Variants in SLC19A1 observed in about 807,000 individuals in gnomAD.
The protein encoded by SLC19A1 is reduced folate transporter.
SLC19A1 carries 37 observed loss-of-function variants against 35.3 expected under a neutral mutation model. That is an observed-to-expected ratio of 1.05 (90% CI 0.81 to 1.38). SLC19A1 has a LOEUF of 1.38. Among genes scored for constraint, SLC19A1 ranks in the 40% most tolerant of loss-of-function variants. The probability of loss-of-function intolerance (pLI) is 0.00; values close to 1 mark genes in which losing one functional copy is unlikely to be tolerated. For synonymous variants in SLC19A1, 460 were observed against 398.5 expected, an observed-to-expected ratio of 1.15 and a Z score of -1.84; for missense variants, 831 against 826.9, an observed-to-expected ratio of 1.00 and a Z score of -0.06.
intron 2 of SLC19A1, 88 bp downstream of exon 2, chr21:45,537,683 G>A (rs1288610768): frequency 3.3e-5 from 37 of 1,118,718 alleles, no homozygotes; most frequent in East Asian, 1.2e-4. Context: ...GGCCGCCCCC[G>A]CATCCCGGCG....
chr21:45,561,293 T>C (rs1330382181), intron 1 of SLC19A1, among the ~76,000 whole-genome samples: 2 of 152,228 alleles, frequency 1.3e-5, no homozygotes, highest in Non-Finnish European at 2.9e-5. Context: ...GAGTATTCTA[T>C]TGCAGTAACT....
At position 45,530,314 on chromosome 21, in the gene SLC19A1, ATGAG is replaced by A. The variant is rs2077823773; in HGVS notation, c.1151+452_1151+455del. Among the ~76,000 whole-genome samples the A allele has an allele frequency of 1.4e-5, 2 of 145,638 alleles. No individual in the cohort carries two copies. The highest frequency in any genetic ancestry group is 4.1e-3 in the Middle Eastern group (1 of 244). ...ATGTGTGCACGTGTGGTATGTGTTC[ATGAG>A]TGTGTGGTGAGTGTCCATCTGTGCG... On this transcript the variant is annotated intron_variant, in intron 4 of 5. Transcript: ENST00000311124. The surrounding 1 kb of genome is among the most constrained non-coding windows in gnomAD (Gnocchi z 5.3).
intron 1 of SLC19A1, among the ~76,000 whole-genome samples, chr21:45,538,831 G>C (rs1434964599): frequency 2.0e-5 from 3 of 152,114 alleles, no homozygotes; most frequent in African/African-American, 7.2e-5. Flanking sequence ...CAGACCACAG[G>C]ACTTCATCCA....
intron 2 of SLC19A1, among the ~76,000 whole-genome samples, chr21:45,532,365 C>T (rs1378819416): frequency 6.6e-6 from 1 of 152,194 alleles, no homozygotes; most frequent in Non-Finnish European, 1.5e-5. Context: ...TGGGAGCGTT[C>T]GCCTGCGGAA....
chr21:45,539,697 G>A (rs2078243345), intron 1 of SLC19A1, among the ~76,000 whole-genome samples: 1 of 152,184 alleles, frequency 6.6e-6, no homozygotes, highest in African/African-American at 2.4e-5. Flanking sequence ...CCCTCCCCAG[G>A]CCACTTAGGC....
intron 1 of SLC19A1, among the ~76,000 whole-genome samples, chr21:45,552,638 A>ACAGCCC (rs1373434723): frequency 7.0e-6 from 1 of 143,326 alleles, no homozygotes; most frequent in Admixed American, 6.8e-5. Flanking sequence ...GGCACCCGGG[A>ACAGCCC]CAGCCCCAGC....
chr21:45,552,654 C>G (rs1467754865), intron 1 of SLC19A1, among the ~76,000 whole-genome samples: 1 of 151,580 alleles, frequency 6.6e-6, no homozygotes, highest in African/African-American at 2.4e-5. Context: ...CCAGCCCCAG[C>G]AGAGAGGGGC....
intron 1 of SLC19A1, among the ~76,000 whole-genome samples, chr21:45,559,313 C>T (rs2078593122): frequency 6.6e-6 from 1 of 152,118 alleles, no homozygotes; most frequent in African/African-American, 2.4e-5. Context: ...GTCCTGGGTC[C>T]ATCAGGGAAT....
intron 1 of SLC19A1, among the ~76,000 whole-genome samples, chr21:45,561,032 A>G (rs1253167777): frequency 1.3e-5 from 2 of 152,264 alleles, no homozygotes; most frequent in Non-Finnish European, 2.9e-5. Context: ...GAAGAAGGAA[A>G]GAACGAGAAT....
intron 3 of SLC19A1, among the ~76,000 whole-genome samples, chr21:45,503,449 C>T (rs753297710): frequency 5.0e-4 from 76 of 152,020 alleles, no homozygotes; most frequent in Non-Finnish European, 7.5e-4. Flanking sequence ...TGGAATACTA[C>T]GCAGCCATAA....
At chr21:45,505,334 C>A in intron 3 of SLC19A1, 1 of 1,592,880 alleles carries the variant, frequency 6.3e-7, no homozygotes, top group Non-Finnish European at 8.6e-7. Flanking sequence ...GCTTCGTGTT[C>A]CCACCTTGGT....
downstream of SLC19A1, among the ~76,000 whole-genome samples, chr21:45,510,725 G>A (rs981753060): frequency 1.3e-5 from 2 of 152,116 alleles, no homozygotes; most frequent in Non-Finnish European, 2.9e-5. Context: ...TGGGTGCCCC[G>A]GGGAGCACCC....
Position 45,534,427 on chromosome 21 carries a change from G to A in SLC19A1, c.190-2279C>T. The A allele has an allele frequency of 1.1e-6, 1 of 876,902 alleles. No individual in the cohort carries two copies. The highest frequency in any genetic ancestry group is 2.2e-5 in the Admixed American group (1 of 44,700). The allele number at this position is 876,902 out of a possible 1,614,324, so 54.3% of individuals were successfully genotyped here. A position where few individuals can be genotyped will look rare whatever the true frequency, so the allele number is the denominator to read the frequency against. ...GCCCCAGCCCCTGGCCGGGGCACAG[G>A]TTCTGCCCACAGCCCAGAGTCAAAA... On this transcript the variant is annotated intron_variant, in intron 2 of 5. Transcript: ENST00000311124. This position sits in a 1 kb window ranked among gnomAD's most constrained non-coding sequence, Gnocchi z 4.2.
chr21:45,550,296 T>C (rs762990658), intron 1 of SLC19A1, among the ~76,000 whole-genome samples: 6 of 152,176 alleles, frequency 3.9e-5, no homozygotes, highest in Admixed American at 6.5e-5. Flanking sequence ...CACATGAGAC[T>C]GTGTCCCCAG....
chr21:45,562,516 G>A (rs770709173), intron 1 of SLC19A1, among the ~76,000 whole-genome samples: 94 of 152,196 alleles, frequency 6.2e-4, no homozygotes, highest in African/African-American at 2.1e-3. Context: ...CCTGGTCTCC[G>A]GCAGCGTGGT....
At chr21:45,505,867 G>C (rs1159766633) in intron 3 of SLC19A1, 2 of 1,608,948 alleles carry the variant, frequency 1.2e-6, no homozygotes, top group East Asian at 2.2e-5. Flanking sequence ...GCCAGGCCAT[G>C]CTGGGCCAGG....
chr21:45,521,283 T>C (rs988638996), intron 5 of SLC19A1, among the ~76,000 whole-genome samples: 4 of 152,226 alleles, frequency 2.6e-5, no homozygotes, highest in Non-Finnish European at 5.9e-5. Context: ...TTTCAAAATA[T>C]GGTTTGATTT....
At chr21:45,510,946 C>CCCACACGCACACAT, downstream of SLC19A1, among the ~76,000 whole-genome samples, 2 of 57,382 alleles carry the variant, frequency 3.5e-5, 1 homozygote, top group Non-Finnish European at 6.1e-5. Context: ...AAAACACACA[C>CCCACACGCACACAT]CCACAACACC....
At chr21:45,548,721 G>A (rs11910477), upstream of SLC19A1, among the ~76,000 whole-genome samples, 915 of 152,206 alleles carry the variant, frequency 6.0e-3, 13 homozygotes, top group African/African-American at 0.02. Flanking sequence ...TCCAGCCTGG[G>A]CGACAGAGTA....
Sources: allele counts gnomAD v4.1 joint callset (sites outside exome capture counted in the v4.1 genomes callset), GRCh38; gene constraint gnomAD v4.1.1; non-coding constraint Gnocchi (gnomAD v3.1); transcripts MANE v1.5; gene names NCBI Gene and HGNC (gene_info 2026-07-23, HGNC 2026-07-21).